CDK6: variants seen among roughly 807,000 people sequenced by gnomAD.
CDK6 encodes cyclin-dependent kinase 6.
Under a neutral mutation model 37.1 loss-of-function variants are expected in CDK6, and 6 were observed. That is an observed-to-expected ratio of 0.16 (90% CI 0.09 to 0.32). CDK6 has a LOEUF of 0.32. Among genes scored for constraint, CDK6 ranks in the 10% least tolerant of loss-of-function variants. CDK6 has a pLI of 1.00. For synonymous variants in CDK6, 160 were observed against 161.3 expected (o/e 0.99, Z 0.06); for missense variants, 224 against 418.9 (o/e 0.53, Z 4.06).
At chr7:92,795,873 C>T (rs1014188258) in intron 2 of CDK6, among the ~76,000 whole-genome samples, 14 of 152,078 alleles carry the variant, frequency 9.2e-5, no homozygotes, top group African/African-American at 2.4e-4. Flanking sequence ...CTATTAAGTA[C>T]ATCTCTGTTA....
intron 5 of CDK6, among the ~76,000 whole-genome samples, chr7:92,629,446 C>A (rs1796005012): frequency 1.3e-5 from 2 of 152,032 alleles, no homozygotes; most frequent in African/African-American, 4.8e-5. Flanking sequence ...GGGACAAACC[C>A]TACCATTTTT....
At chr7:92,703,518 G>A (rs1797901933) in intron 4 of CDK6, among the ~76,000 whole-genome samples, 1 of 152,086 alleles carries the variant, frequency 6.6e-6, no homozygotes, top group African/African-American at 2.4e-5. Context: ...ATGACCTATG[G>A]TTAAGTAAAG....
At chr7:92,713,249 C>A (rs1798143216) in intron 4 of CDK6, among the ~76,000 whole-genome samples, 1 of 151,968 alleles carries the variant, frequency 6.6e-6, no homozygotes, top group Admixed American at 6.6e-5. Flanking sequence ...ACTACAGTGG[C>A]CAGACAGTAT....
At chr7:92,701,436 C>T (rs1562940156) in intron 4 of CDK6, among the ~76,000 whole-genome samples, 2 of 150,542 alleles carry the variant, frequency 1.3e-5, no homozygotes, top group African/African-American at 4.9e-5. Context: ...GACGGAGTCT[C>T]GCTCTGTCGC....
intron 5 of CDK6, among the ~76,000 whole-genome samples, chr7:92,653,564 G>A (rs1308040412): frequency 6.6e-6 from 1 of 152,190 alleles, no homozygotes; most frequent in Non-Finnish European, 1.5e-5. Context: ...GTTTATGTGA[G>A]TCAACAAGTT....
At position 92,833,654 on chromosome 7, in the gene CDK6, C is replaced by T. The variant is rs935065733; in HGVS notation, c.-331G>A. 9 of 489,640 alleles carry T rather than the reference C, an allele frequency of 1.8e-5. No homozygotes were observed. Among genetic ancestry groups the T allele is most frequent in the Non-Finnish European group, 7.1e-6 (2 of 282,238 alleles). 30.3% of individuals were successfully genotyped at this position (489,640 alleles called of 1,614,324 possible). On this transcript the variant is annotated 5_prime_UTR_variant, in exon 2 of 8. Coordinates refer to ENST00000424848, the MANE Select transcript of CDK6 (RefSeq NM_001145306.2). This position sits in a 1 kb window ranked among gnomAD's most constrained non-coding sequence, Gnocchi z 6.1. ...CTCAACACAGACACGATTACATAGC[C>T]TCTGCCCAAGCGCGTCTCAGTCCAG...
chr7:92,704,950 C>T (rs1190734272), intron 4 of CDK6, among the ~76,000 whole-genome samples: 1 of 152,186 alleles, frequency 6.6e-6, no homozygotes, highest in African/African-American at 2.4e-5. Context: ...ATGTTCCCTT[C>T]AACAGAGGAT....
intron 3 of CDK6, among the ~76,000 whole-genome samples, chr7:92,773,653 A>T (rs1415306784): frequency 6.6e-6 from 1 of 152,162 alleles, no homozygotes; most frequent in Non-Finnish European, 1.5e-5. Flanking sequence ...AAGAAATGGG[A>T]CTATTGTTAA....
At chr7:92,732,781 G>T (rs1798681608) in intron 3 of CDK6, among the ~76,000 whole-genome samples, 1 of 152,170 alleles carries the variant, frequency 6.6e-6, no homozygotes, top group African/African-American at 2.4e-5. Flanking sequence ...GTGCACAGTA[G>T]AATGCTCTCT....
At chr7:92,773,342 G>T (rs555022381) in intron 3 of CDK6, among the ~76,000 whole-genome samples, 302 of 152,332 alleles carry the variant, frequency 2.0e-3, no homozygotes, top group Non-Finnish European at 3.5e-3. Flanking sequence ...AGCCTGGTGA[G>T]AAGGAGCAAA....
At chr7:92,770,887 C>T (rs1253702976) in intron 3 of CDK6, among the ~76,000 whole-genome samples, 2 of 152,014 alleles carry the variant, frequency 1.3e-5, no homozygotes, top group African/African-American at 4.8e-5. Context: ...ATCCCCTGAG[C>T]TTAAATGATC....
intron 2 of CDK6, among the ~76,000 whole-genome samples, chr7:92,796,088 GA>G (rs1305660153): frequency 4.9e-5 from 6 of 122,168 alleles, no homozygotes; most frequent in African/African-American, 2.0e-4. Flanking sequence ...AATTAACTTG[GA>G]GAAAAAAAAA....
chr7:92,766,288 G>A (rs1799578754), intron 3 of CDK6, among the ~76,000 whole-genome samples: 1 of 152,184 alleles, frequency 6.6e-6, no homozygotes. Flanking sequence ...TGAAGATATT[G>A]AGAAGTAGTC....
intron 2 of CDK6, among the ~76,000 whole-genome samples, chr7:92,809,955 G>C (rs778653995): frequency 6.6e-6 from 1 of 152,172 alleles, no homozygotes; most frequent in Non-Finnish European, 1.5e-5. Context: ...TACTTCCTTT[G>C]ACCTGCTACT....
At chr7:92,699,890 C>T (rs1797804195) in intron 4 of CDK6, among the ~76,000 whole-genome samples, 1 of 152,228 alleles carries the variant, frequency 6.6e-6, no homozygotes, top group African/African-American at 2.4e-5. Context: ...ATAGCTTAAC[C>T]TCTCCATGCC....
At chr7:92,722,827 T>A (rs1180356048) in intron 4 of CDK6, among the ~76,000 whole-genome samples, 5 of 152,218 alleles carry the variant, frequency 3.3e-5, no homozygotes, top group African/African-American at 1.2e-4. Context: ...AAGATGAGCA[T>A]CTGCCTTCGA....
intron 5 of CDK6, among the ~76,000 whole-genome samples, chr7:92,642,823 C>G (rs1796343546): frequency 6.6e-6 from 1 of 151,638 alleles, no homozygotes. Context: ...CTCATGACCA[C>G]TTCACTACAT....
At chr7:92,811,312 A>G (rs903895172) in intron 2 of CDK6, among the ~76,000 whole-genome samples, 4 of 152,226 alleles carry the variant, frequency 2.6e-5, no homozygotes, top group Admixed American at 1.3e-4. Flanking sequence ...TCAAACCCCA[A>G]TGTAGCAGGG....
chr7:92,716,346 T>G (rs1798229289), intron 4 of CDK6, among the ~76,000 whole-genome samples: 1 of 152,178 alleles, frequency 6.6e-6, no homozygotes, highest in South Asian at 2.1e-4. Context: ...GAAAGGTAGG[T>G]TGGAGCTGAG....
Sources: allele counts gnomAD v4.1 joint callset (sites outside exome capture counted in the v4.1 genomes callset), GRCh38; gene constraint gnomAD v4.1.1; non-coding constraint Gnocchi (gnomAD v3.1); transcripts MANE v1.5; gene names NCBI Gene and HGNC (gene_info 2026-07-23, HGNC 2026-07-21).